The following TRIP4 variants were observed in gnomAD, a reference collection of about 807,000 sequenced individuals.
The protein encoded by TRIP4 is activating signal cointegrator 1.
TRIP4 carries 54 observed loss-of-function variants against 81.8 expected under a neutral mutation model. The ratio of observed to expected loss-of-function variants is 0.66; its 90% CI spans 0.53 to 0.83. The LOEUF is 0.83. TRIP4 is among the 40% of genes least tolerant of loss of function. TRIP4 has a pLI of 0.00. For missense variants in TRIP4, 662 were observed against 683.6 expected, an observed-to-expected ratio of 0.97 and a Z score of 0.35; for synonymous variants, 270 against 242.8, an observed-to-expected ratio of 1.11 and a Z score of -1.04.
intron 12 of TRIP4, among the ~76,000 whole-genome samples, chr15:64,445,553 C>T (rs1002754255): frequency 6.7e-6 from 1 of 149,722 alleles, no homozygotes; most frequent in African/African-American, 2.5e-5. Context: ...CCTGTAGTCT[C>T]AGCTGCTTGG....
rs1396061395 is a variant in TRIP4 at position 64,440,990 on chromosome 15, A to AT, written c.1576-4002dup. Among the ~76,000 whole-genome samples the AT allele has an allele frequency of 5.2e-3, 760 of 144,782 alleles. 1 individual carries two copies. The highest frequency in any genetic ancestry group is 7.9e-3 in the Non-Finnish European group (517 of 65,360). 95.0% of individuals were successfully genotyped at this position (144,782 alleles called of 152,430 possible). A position where few individuals can be genotyped will look rare whatever the true frequency, so the allele number is the denominator to read the frequency against. The stretch of plus-strand genomic sequence containing the variant: ...CGTTAATGCACAAGTTGGTAAATTC[A>AT]TTTTTTTTTTTTTTATTTTTGAGAC... On this transcript the variant is annotated intron_variant, in intron 11 of 12. Transcript: ENST00000261884.
chr15:64,400,872 C>T (rs373011414), intron 5 of TRIP4, 51 bp downstream of exon 5: 144 of 1,440,956 alleles, frequency 1.0e-4, no homozygotes, highest in Non-Finnish European at 1.3e-4. Flanking sequence ...TACCTTGTTG[C>T]GTCTGTGGTT....
chr15:64,413,635 G>A (rs1891821256), intron 7 of TRIP4, among the ~76,000 whole-genome samples: 2 of 151,852 alleles, frequency 1.3e-5, no homozygotes, highest in African/African-American at 4.8e-5. Context: ...TATTGCCCAG[G>A]CTGGAGTGCA....
intron 10 of TRIP4, among the ~76,000 whole-genome samples, chr15:64,425,138 T>C (rs771744630): frequency 6.6e-5 from 10 of 152,260 alleles, no homozygotes; most frequent in South Asian, 2.1e-4. Context: ...TTCATTCTTA[T>C]GGTTTTAACC....
intron 12 of TRIP4, among the ~76,000 whole-genome samples, chr15:64,446,507 C>T (rs938719916): frequency 1.2e-4 from 18 of 148,706 alleles, no homozygotes; most frequent in Non-Finnish European, 2.5e-4. Flanking sequence ...TGGGTTCAAG[C>T]GATTCTCCTG....
chr15:64,413,750 G>A (rs1891824184), intron 7 of TRIP4, among the ~76,000 whole-genome samples: 1 of 151,962 alleles, frequency 6.6e-6, no homozygotes, highest in South Asian at 2.1e-4. Context: ...ACCATGCTCA[G>A]CTAATTTTTG....
chr15:64,413,976 C>T, intron 7 of TRIP4, 109 bp from the exon 8 acceptor site: 2 of 1,295,636 alleles, frequency 1.5e-6, no homozygotes, highest in South Asian at 2.9e-5. Flanking sequence ...TCCATAGACT[C>T]CTCTTTATAT....
At chr15:64,415,811 C>G (rs1267979993) in intron 8 of TRIP4, among the ~76,000 whole-genome samples, 2 of 152,180 alleles carry the variant, frequency 1.3e-5, no homozygotes, top group Non-Finnish European at 2.9e-5. Flanking sequence ...AACACCTGAT[C>G]ATGAAAGATT....
intron 12 of TRIP4, among the ~76,000 whole-genome samples, chr15:64,450,333 G>T (rs1190825618): frequency 1.4e-5 from 2 of 146,432 alleles, no homozygotes; most frequent in Non-Finnish European, 3.0e-5. Context: ...AGCTTGCAGT[G>T]AGTCGAGATG....
Position 64,393,950 on chromosome 15 carries a change from G to A in TRIP4, c.106G>A (p.Val36Ile), listed in dbSNP as rs377645266. Residue 36 changes from valine (V) to isoleucine (I), a missense_variant, in exon 2 of 13, where the codon GTT becomes ATT. Val to Ile is a conservative substitution (Grantham distance 29, BLOSUM62 3). Coordinates refer to ENST00000261884, the MANE Select transcript of TRIP4 (RefSeq NM_016213.5). The stretch of plus-strand genomic sequence containing the variant: ...CTTATATCTTTGCCTCCTGAGGTAC[G>A]TTTTGTCAATTGAGAGTGCTGAAGA... Reference protein sequence around the residue: ...LDVSEEIIQYVLSIESAEEIR... With the variant: ...LDVSEEIIQYILSIESAEEIR... 39 of 1,581,924 alleles carry A rather than the reference G, an allele frequency of 2.5e-5. No individual in the cohort carries two copies. The Admixed American group carries it at 2.6e-4, about 11-fold the overall frequency.
Position 64,426,668 on chromosome 15 carries a change from C to A in TRIP4, c.1575+1037C>A, listed in dbSNP as rs542998895. Among the ~76,000 whole-genome samples, 294 of 146,182 alleles carry A rather than the reference C, an allele frequency of 2.0e-3. 1 individual carries two copies. Among genetic ancestry groups the A allele is most frequent in the Non-Finnish European group, 3.6e-3 (239 of 67,068 alleles). On this transcript the variant is annotated intron_variant, in intron 11 of 12. Transcript: ENST00000261884. ...TGAGCTGAGATCGTGCCACTGCACT[C>A]CAGCCTGGGCGACAGAGTGAGACTC...
chr15:64,408,168 T>TTG (rs1891672918), intron 6 of TRIP4, among the ~76,000 whole-genome samples: 1 of 151,048 alleles, frequency 6.6e-6, no homozygotes. Flanking sequence ...TTTTTGTTTT[T>TTG]TTTTTTTGAT....
chr15:64,446,141 G>A (rs1461899911), intron 12 of TRIP4, among the ~76,000 whole-genome samples: 2 of 151,798 alleles, frequency 1.3e-5, no homozygotes, highest in Non-Finnish European at 2.9e-5. Context: ...GGGCATGGTG[G>A]TGGGCACCTG....
intron 9 of TRIP4, among the ~76,000 whole-genome samples, chr15:64,422,702 G>C (rs570066146): frequency 1.8e-4 from 27 of 152,264 alleles, no homozygotes; most frequent in African/African-American, 6.5e-4. Flanking sequence ...ATCCTATTTG[G>C]ATCTGTTATT....
At position 64,387,876 on chromosome 15, in the gene TRIP4, G is replaced by A. The variant is rs1899991603; in HGVS notation, c.13G>A (p.Gly5Arg). ...CCGGCTGGGGAAGATGGCGGTGGCTGGGGCGGTGTCCGGGGAGCCGCTGGT... is the reference window on the plus strand; with the variant it reads ...CCGGCTGGGGAAGATGGCGGTGGCTAGGGCGGTGTCCGGGGAGCCGCTGGT... Reference protein sequence around the residue: MAVAGAVSGEPLVHW... With the variant: MAVARAVSGEPLVHW... The change falls in exon 1 of 13, where the codon GGG becomes AGG. Residue 5 changes from glycine to arginine, a missense_variant. Coordinates refer to ENST00000261884, the MANE Select transcript of TRIP4 (RefSeq NM_016213.5). 1 of 1,547,170 alleles carries A rather than the reference G, an allele frequency of 6.5e-7. No individual in the cohort carries two copies. The highest frequency in any genetic ancestry group is 8.7e-7 in the Non-Finnish European group (1 of 1,146,810).
At position 64,387,935 on chromosome 15, in the gene TRIP4, C is replaced by T. The variant is rs1899996087; in HGVS notation, c.72C>T (p.Phe24=). The part of the protein sequence containing the change: ...HWCTQQLRKT[F]GLDVSEEIIQ... Reference sequence around the variant, plus strand: ...GCACCCAGCAGTTGCGGAAGACTTTCGGCCTGGATGTCAGCGAGGAGATCA... The same window carrying T: ...GCACCCAGCAGTTGCGGAAGACTTTTGGCCTGGATGTCAGCGAGGAGATCA... Residue 24 remains phenylalanine (F), a synonymous_variant, in exon 1 of 13, where the codon TTC becomes TTT. Transcript: ENST00000261884. The T allele has an allele frequency of 1.9e-6, 3 of 1,550,916 alleles. No homozygotes were observed. Among genetic ancestry groups the T allele is most frequent in the African/African-American group, 2.7e-5 (2 of 73,036 alleles).
chr15:64,406,356 A>T lies in TRIP4; in HGVS notation c.724A>T (p.Ile242Phe), dbSNP rs1252567106. 6.2e-7 allele frequency: 1 copy of T among 1,614,020 alleles called. No individual in the cohort carries two copies. Among genetic ancestry groups the T allele is most frequent in the Non-Finnish European group, 8.5e-7 (1 of 1,180,022 alleles). ...SGVENSGKVD[I>F]STKDLLPHQE... is the part of the protein sequence containing the mutation. ...AGTGGAGAATTCTGGAAAGGTGGAC[A>T]TCTCTACCAAGGACCTTCTTCCTCA... Residue 242 changes from isoleucine to phenylalanine, a missense_variant, in exon 6 of 13, where the codon ATC becomes TTC. By Grantham distance (21) the Ile-to-Phe change is conservative (BLOSUM62 0). Coordinates refer to ENST00000261884, the MANE Select transcript of TRIP4 (RefSeq NM_016213.5).
Position 64,418,648 on chromosome 15 carries a change from A to G in TRIP4, c.1278A>G (p.Glu426=). Residue 426 remains glutamate (E), a synonymous_variant, in exon 9 of 13, where the codon GAA becomes GAG. Transcript: ENST00000261884. ...FQHQLRIQDQ[E]FQEGFDGGWC... ...ACCAGTTGCGAATCCAGGATCAAGA[A>G]TTTCAGGAAGGCTTTGATGGTGGCT... is the stretch of plus-strand genomic sequence containing the variant. 1 of 1,614,044 alleles carries G rather than the reference A, an allele frequency of 6.2e-7. No individual in the cohort carries two copies. The highest frequency in any genetic ancestry group is 8.5e-7 in the Non-Finnish European group (1 of 1,180,028).
chr15:64,430,521 A>G (rs1892245949), intron 11 of TRIP4, among the ~76,000 whole-genome samples: 1 of 152,136 alleles, frequency 6.6e-6, no homozygotes, highest in African/African-American at 2.4e-5. Flanking sequence ...TTTAACAAAG[A>G]CATTTTGATT....
Sources: allele counts gnomAD v4.1 joint callset (sites outside exome capture counted in the v4.1 genomes callset), GRCh38; gene constraint gnomAD v4.1.1; transcripts MANE v1.5; gene names NCBI Gene and HGNC (gene_info 2026-07-23, HGNC 2026-07-21).